The following ACOT7 variants were observed in gnomAD, a reference collection of about 807,000 sequenced individuals.
ACOT7 encodes the protein cytosolic acyl coenzyme A thioester hydrolase.
A neutral mutation model predicts 40.2 loss-of-function variants in ACOT7; 12 were observed. The observed-to-expected ratio is 0.30, with a 90% CI of 0.19 to 0.48. The LOEUF (loss-of-function observed/expected upper bound fraction) is 0.48. Ranked by LOEUF, ACOT7 falls within the 20% of genes least tolerant of loss-of-function variation. ACOT7 has a pLI of 0.99. For synonymous variants in ACOT7, 228 were observed against 219.5 expected, an observed-to-expected ratio of 1.04 and a Z score of -0.34; for missense variants, 395 against 530.8, an observed-to-expected ratio of 0.74 and a Z score of 2.51.
At chr1:6,323,510 G>A (rs1260763380) in intron 5 of ACOT7, among the ~76,000 whole-genome samples, 1 of 152,050 alleles carries the variant, frequency 6.6e-6, no homozygotes, top group Non-Finnish European at 1.5e-5. Flanking sequence ...CTGAGGTCAG[G>A]AGTTCGAGAC....
chr1:6,293,061 T>C (rs1571277750), intron 7 of ACOT7, among the ~76,000 whole-genome samples: 3 of 152,132 alleles, frequency 2.0e-5, no homozygotes, highest in African/African-American at 7.2e-5. Context: ...GGCTAATTTT[T>C]TGTATTTTTA....
At chr1:6,284,848 G>A (rs1207023544) in intron 7 of ACOT7, among the ~76,000 whole-genome samples, 2 of 152,082 alleles carry the variant, frequency 1.3e-5, no homozygotes, top group Admixed American at 1.3e-4. Flanking sequence ...GCTCCCTGAA[G>A]CTCCTGGCCC....
At chr1:6,385,553 G>C in intron 1 of ACOT7, 1 of 1,612,212 alleles carries the variant, frequency 6.2e-7, no homozygotes. Context: ...CCACCTGGAC[G>C]GGAGCGCAGC....
At chr1:6,385,946 A>G in intron 1 of ACOT7, 2 of 785,410 alleles carry the variant, frequency 2.5e-6, no homozygotes, top group Non-Finnish European at 3.7e-6. Flanking sequence ...GAAACAGGAC[A>G]GGGCCACCAC....
In ACOT7 at chr1:6,281,194, T is replaced by C; in HGVS notation, c.922A>G (p.Ser308Gly). 1 of 1,614,134 alleles carries C rather than the reference T, an allele frequency of 6.2e-7. No individual in the cohort carries two copies. The highest frequency in any genetic ancestry group is 2.2e-5 in the East Asian group (1 of 44,858). The change falls in exon 8 of 9, where the codon AGC becomes GGC. Residue 308 changes from serine (S) to glycine (G), a missense_variant. Physicochemically the swap from Ser to Gly is moderately conservative, Grantham distance 56 (BLOSUM62 0). Around this residue, in one of 2 missense-constraint regions of ACOT7, gnomAD observed 309 missense variants for 470.3 expected, o/e 0.66. Coordinates refer to ENST00000361521, the MANE Select transcript of ACOT7 (RefSeq NM_007274.4). ...GCGGCCCGGTAGCGCTTCTGAGAGCTGTCCACAACAGGGTCGGCGTCCACC... is the reference window on the plus strand; with the variant it reads ...GCGGCCCGGTAGCGCTTCTGAGAGCCGTCCACAACAGGGTCGGCGTCCACC... The part of the protein sequence containing the change: ...VLVDADPVVD[S>G]SQKRYRAASA...
rs925542539 is a variant in ACOT7 at position 6,338,354 on chromosome 1, G to A, written c.418+1079C>T. Reference sequence around the variant, plus strand: ...ACCCACCCAGCCCTGAGCCTCTCCCGAGTCGTGGGCGCTGCTCCTGTTGTG... The same window carrying A: ...ACCCACCCAGCCCTGAGCCTCTCCCAAGTCGTGGGCGCTGCTCCTGTTGTG... On this transcript the variant is annotated intron_variant, in intron 3 of 8. Transcript: ENST00000361521. This position sits in a 1 kb window ranked among gnomAD's most constrained non-coding sequence, Gnocchi z 4.4. 2.0e-5 allele frequency among the ~76,000 whole-genome samples: 3 copies of A among 152,196 alleles called. No individual in the cohort carries two copies. The highest frequency in any genetic ancestry group is 4.8e-5 in the African/African-American group (2 of 41,466).
rs1640924655 is a variant in ACOT7 at position 6,330,442 on chromosome 1, GC to G, written c.511-3030del. 6.6e-6 allele frequency among the ~76,000 whole-genome samples: 1 copy of G among 152,184 alleles called. No homozygotes were observed. Among genetic ancestry groups the G allele is most frequent in the African/African-American group, 2.4e-5 (1 of 41,456 alleles). ...TGTTGGGGGGAAGATGGTGCAAAGA[GC>G]TCTGAACAACAGCTGCAGCTGAGAA... On this transcript the variant is annotated intron_variant, in intron 4 of 8. Transcript: ENST00000361521. The surrounding 1 kb of genome is among the most constrained non-coding windows in gnomAD (Gnocchi z 4.6).
chr1:6,311,371 G>C lies in ACOT7; in HGVS notation c.712+7121C>G, dbSNP rs926240188. 6.6e-6 allele frequency among the ~76,000 whole-genome samples: 1 copy of C among 152,188 alleles called. No homozygotes were observed. Among genetic ancestry groups the C allele is most frequent in the East Asian group, 1.9e-4 (1 of 5,198 alleles). On this transcript the variant is annotated intron_variant, in intron 6 of 8. Transcript: ENST00000361521. The surrounding 1 kb of genome is among the most constrained non-coding windows in gnomAD (Gnocchi z 5.2). ...GAACAACCCGGATCATCCCATGGAC[G>C]AGGGCCCCATGAGGGCCACATCTAG...
Position 6,358,662 on chromosome 1 carries a change from G to A in ACOT7, c.144-8796C>T, listed in dbSNP as rs1169404534. 6.6e-6 allele frequency among the ~76,000 whole-genome samples: 1 copy of A among 152,238 alleles called. No individual in the cohort carries two copies. The highest frequency in any genetic ancestry group is 1.5e-5 in the Non-Finnish European group (1 of 68,046). ...TAATCTTGGGGGTCAGTAAGAGCCA[G>A]GCCAGGTGGGTGCCCTACTGCCCTT... is the stretch of plus-strand genomic sequence containing the variant. On this transcript the variant is annotated intron_variant, in intron 1 of 8. Coordinates refer to ENST00000361521, the MANE Select transcript of ACOT7 (RefSeq NM_007274.4). The surrounding 1 kb of genome is among the most constrained non-coding windows in gnomAD (Gnocchi z 4.1).
chr1:6,308,099 G>C (rs981816597), intron 6 of ACOT7, among the ~76,000 whole-genome samples: 1 of 151,390 alleles, frequency 6.6e-6, no homozygotes. Flanking sequence ...ACTACAACCA[G>C]GCAGAGGGAA....
chr1:6,319,491 C>T lies in ACOT7; in HGVS notation c.626-913G>A, dbSNP rs190727634. Among the ~76,000 whole-genome samples the T allele has an allele frequency of 3.0e-3, 458 of 152,330 alleles. 2 individuals are homozygous for T. The highest frequency in any genetic ancestry group is 9.8e-3 in the African/African-American group (408 of 41,568). ...TACAGGCGTGAACCACCTTGCCCAG[C>T]CCAATATATAATTTTTGAAAAGTCA... On this transcript the variant is annotated intron_variant, in intron 5 of 8. Coordinates refer to ENST00000361521, the MANE Select transcript of ACOT7 (RefSeq NM_007274.4).
At chr1:6,281,073 G>A (rs751056790) in intron 8 of ACOT7, 29 bp downstream of exon 8, 6 of 1,604,050 alleles carry the variant, frequency 3.7e-6, no homozygotes, top group Non-Finnish European at 5.1e-6. Flanking sequence ...TGGCAGGGAG[G>A]GGCCGCCGTT....
At chr1:6,323,404 T>A (rs757801913) in intron 5 of ACOT7, among the ~76,000 whole-genome samples, 1 of 152,020 alleles carries the variant, frequency 6.6e-6, no homozygotes, top group Non-Finnish European at 1.5e-5. Flanking sequence ...AGGGAACAGA[T>A]GAGGTCTAGT....
chr1:6,356,990 G>A (rs1185070098), intron 1 of ACOT7, among the ~76,000 whole-genome samples: 1 of 151,510 alleles, frequency 6.6e-6, no homozygotes, highest in Non-Finnish European at 1.5e-5. Context: ...TGTAATCCCA[G>A]CACTTTAGGA....
rs2148402971 is a variant in ACOT7, at chr1:6,301,843, G to A, written c.713-6863C>T. On this transcript the variant is annotated intron_variant, in intron 6 of 8. Coordinates refer to ENST00000361521, the MANE Select transcript of ACOT7 (RefSeq NM_007274.4). This position sits in a 1 kb window ranked among gnomAD's most constrained non-coding sequence, Gnocchi z 4.1. ...AGCCCACACTCAAAATGATCTTGCT[G>A]TGTGAGCTGGACGGTGACATTTACA... Among the ~76,000 whole-genome samples the A allele has an allele frequency of 6.6e-6, 1 of 152,360 alleles. No homozygotes were observed. The highest frequency in any genetic ancestry group is 1.5e-5 in the Non-Finnish European group (1 of 68,030).
intron 7 of ACOT7, among the ~76,000 whole-genome samples, chr1:6,285,402 C>T (rs1465387275): frequency 6.6e-6 from 1 of 152,258 alleles, no homozygotes; most frequent in Admixed American, 6.5e-5. Flanking sequence ...AGCCCCACAC[C>T]TGTCCACCTC....
At chr1:6,393,209 T>C (rs1325662822) in intron 1 of ACOT7, 48 bp downstream of exon 1, 2 of 1,245,122 alleles carry the variant, frequency 1.6e-6, no homozygotes, top group Non-Finnish European at 2.0e-6. Context: ...CCTGGGGCGG[T>C]GACCGGCGCG....
chr1:6,351,810 G>A (rs752828774), intron 1 of ACOT7, among the ~76,000 whole-genome samples: 2 of 152,244 alleles, frequency 1.3e-5, no homozygotes, highest in South Asian at 2.1e-4. Flanking sequence ...GAGAAGACGC[G>A]GGCCAAGGGC....
At chr1:6,269,235 T>G (rs1638949131) in intron 8 of ACOT7, among the ~76,000 whole-genome samples, 1 of 152,188 alleles carries the variant, frequency 6.6e-6, no homozygotes, top group African/African-American at 2.4e-5. Context: ...GGTCGTCCTA[T>G]GCCGAGGGAC....
Sources: gnomAD v4.1 joint callset for allele counts (sites outside exome capture counted in the v4.1 genomes callset) on GRCh38, gnomAD v4.1.1 for gene constraint, gnomAD v4.1.1 regional missense constraint, Gnocchi (gnomAD v3.1) non-coding constraint, MANE v1.5 for transcripts, NCBI Gene and HGNC (gene_info 2026-07-23, HGNC 2026-07-21) for gene names.